Variants in SLC23A2 observed in about 807,000 individuals in gnomAD.
SLC23A2 encodes Na(+)/L-ascorbic acid transporter 2.
In SLC23A2, 36 loss-of-function variants were observed where a neutral mutation model predicts 73.3. That is an observed-to-expected ratio of 0.49 (90% CI 0.38 to 0.65). The LOEUF is 0.65. SLC23A2 is among the 30% of genes least tolerant of loss of function. The pLI, the probability that SLC23A2 is intolerant of heterozygous loss-of-function variation, is 0.00. For missense variants in SLC23A2, 507 were observed against 841.6 expected (o/e 0.60, Z 4.92); for synonymous variants, 343 against 327.3 (o/e 1.05, Z -0.52).
At chr20:4,950,286 G>A (rs905299998) in intron 2 of SLC23A2, among the ~76,000 whole-genome samples, 1 of 152,214 alleles carries the variant, frequency 6.6e-6, no homozygotes, top group Non-Finnish European at 1.5e-5. Flanking sequence ...CCAGCTCAGT[G>A]AAAAGGGAGA....
chr20:4,950,049 T>C (rs2087175794), intron 2 of SLC23A2, among the ~76,000 whole-genome samples: 1 of 152,198 alleles, frequency 6.6e-6, no homozygotes, highest in Non-Finnish European at 1.5e-5. Flanking sequence ...GAAATGCTAT[T>C]TGTGTTACAC....
intron 4 of SLC23A2, among the ~76,000 whole-genome samples, chr20:4,908,060 T>A (rs1015417463): frequency 1.3e-5 from 2 of 151,966 alleles, no homozygotes; most frequent in Non-Finnish European, 2.9e-5. Context: ...AAAAAAAGAT[T>A]AAAGAGAACT....
rs1293947888 is a variant in SLC23A2 at position 4,947,851 on chromosome 20, G to C, written c.-154-15135C>G. On this transcript the variant is annotated intron_variant, in intron 2 of 16. Coordinates refer to ENST00000338244, the MANE Select transcript of SLC23A2 (RefSeq NM_005116.6). The surrounding 1 kb of genome is among the most constrained non-coding windows in gnomAD (Gnocchi z 4.4). ...CTGAAGGAAGCTGAGGAAAATTTGT[G>C]AGTTACTTTCAGGGAATAGAAAGAA... Among the ~76,000 whole-genome samples, 1 of 152,224 alleles carries C rather than the reference G, an allele frequency of 6.6e-6. No individual in the cohort carries two copies. Among genetic ancestry groups the C allele is most frequent in the African/African-American group, 2.4e-5 (1 of 41,452 alleles).
At chr20:4,860,284 G>A (rs1261161242) in intron 15 of SLC23A2, among the ~76,000 whole-genome samples, 1 of 152,210 alleles carries the variant, frequency 6.6e-6, no homozygotes, top group African/African-American at 2.4e-5. Context: ...TGAAAAATCT[G>A]AGCCACGCCA....
At chr20:4,986,649 T>TACACACACACACACACAC (rs55738084) in intron 1 of SLC23A2, among the ~76,000 whole-genome samples, 1 of 129,720 alleles carries the variant, frequency 7.7e-6, no homozygotes, top group Non-Finnish European at 1.6e-5. Flanking sequence ...CATACACACA[T>TACACACACACACACACAC]ACACACACAC....
chr20:4,950,609 C>T (rs1447682476), intron 2 of SLC23A2, among the ~76,000 whole-genome samples: 1 of 152,148 alleles, frequency 6.6e-6, no homozygotes, highest in Admixed American at 6.5e-5. Flanking sequence ...TTTGCCCTTC[C>T]CAGTCCTGAC....
intron 2 of SLC23A2, among the ~76,000 whole-genome samples, chr20:4,951,981 T>C (rs2087209274): frequency 6.6e-6 from 1 of 151,254 alleles, no homozygotes. Context: ...CACGTGCCTG[T>C]AATCCCAGCT....
At chr20:4,984,905 A>G (rs1181478382) in intron 1 of SLC23A2, among the ~76,000 whole-genome samples, 1 of 152,202 alleles carries the variant, frequency 6.6e-6, no homozygotes, top group African/African-American at 2.4e-5. Flanking sequence ...TTGGGAGGCC[A>G]ATGCGGGCGG....
At position 4,883,932 on chromosome 20, in the gene SLC23A2, A is replaced by C; in HGVS notation, c.643-109T>G. On this transcript the variant is annotated intron_variant, in intron 8 of 16. Coordinates refer to ENST00000338244, the MANE Select transcript of SLC23A2 (RefSeq NM_005116.6). The surrounding 1 kb of genome is among the most constrained non-coding windows in gnomAD (Gnocchi z 4.5). Reference sequence around the variant, plus strand: ...ATTCTGCAAGGCAATAAGTTATTACATCATCTAACTTGGGAGAGATAGCTA... The same window carrying C: ...ATTCTGCAAGGCAATAAGTTATTACCTCATCTAACTTGGGAGAGATAGCTA... 1.3e-6 allele frequency: 1 copy of C among 768,980 alleles called. No individual in the cohort carries two copies. Among genetic ancestry groups the C allele is most frequent in the Non-Finnish European group, 2.0e-6 (1 of 500,842 alleles). The allele number at this position is 768,980 out of a possible 1,614,324, so 47.6% of individuals were successfully genotyped here. A position where few individuals can be genotyped will look rare whatever the true frequency, so the allele number is the denominator to read the frequency against.
At chr20:4,890,749 G>A (rs952016022) in intron 6 of SLC23A2, among the ~76,000 whole-genome samples, 3 of 152,004 alleles carry the variant, frequency 2.0e-5, no homozygotes, top group South Asian at 2.1e-4. Flanking sequence ...TCCATCCATC[G>A]ACCTGCTGAA....
intron 2 of SLC23A2, among the ~76,000 whole-genome samples, chr20:4,936,568 G>C (rs2086964854): frequency 6.6e-6 from 1 of 152,138 alleles, no homozygotes; most frequent in South Asian, 2.1e-4. Context: ...GACTACAGGT[G>C]CAAGTCACCA....
intron 15 of SLC23A2, among the ~76,000 whole-genome samples, chr20:4,860,358 A>C (rs1929907997): frequency 6.6e-6 from 1 of 152,236 alleles, no homozygotes; most frequent in Non-Finnish European, 1.5e-5. Context: ...CATCCTGTAA[A>C]CAAGAGTCCT....
chr20:4,981,710 C>A (rs1431695386), intron 1 of SLC23A2, among the ~76,000 whole-genome samples: 1 of 120,248 alleles, frequency 8.3e-6, no homozygotes, highest in African/African-American at 3.1e-5. Flanking sequence ...TCCTTCCTTT[C>A]TTTATCTTTC....
chr20:5,002,341 T>C (rs1253712461), upstream of SLC23A2, among the ~76,000 whole-genome samples: 1 of 152,256 alleles, frequency 6.6e-6, no homozygotes, highest in East Asian at 1.9e-4. Flanking sequence ...ATGCTGATGC[T>C]ACTGGTCTGG....
intron 1 of SLC23A2, among the ~76,000 whole-genome samples, chr20:4,994,141 T>C (rs546201227): frequency 6.6e-6 from 1 of 152,216 alleles, no homozygotes; most frequent in South Asian, 2.1e-4. Context: ...CACATATACC[T>C]TACTGTGAAG....
intron 2 of SLC23A2, among the ~76,000 whole-genome samples, chr20:4,965,751 G>A (rs576323932): frequency 6.6e-6 from 1 of 152,334 alleles, no homozygotes; most frequent in South Asian, 2.1e-4. Flanking sequence ...CAGATCACTT[G>A]AGGTCAGGAG....
At chr20:4,870,363 G>A (rs1052137233) in intron 11 of SLC23A2, among the ~76,000 whole-genome samples, 1 of 152,162 alleles carries the variant, frequency 6.6e-6, no homozygotes, top group African/African-American at 2.4e-5. Context: ...CAGATCACGA[G>A]GTCAGGAGTT....
chr20:4,859,460 T>C, intron 15 of SLC23A2, 76 bp from the exon 16 acceptor site: 2 of 912,306 alleles, frequency 2.2e-6, no homozygotes, highest in Non-Finnish European at 3.7e-6. Flanking sequence ...GAAGGGGCAA[T>C]GGTGTGGGCA....
At chr20:4,997,196 T>C (rs2088038554) in intron 1 of SLC23A2, among the ~76,000 whole-genome samples, 1 of 151,972 alleles carries the variant, frequency 6.6e-6, no homozygotes. Flanking sequence ...ACGCCTAGAG[T>C]GTGCTTGCTA....
Sources: allele counts gnomAD v4.1 joint callset (sites outside exome capture counted in the v4.1 genomes callset), GRCh38; gene constraint gnomAD v4.1.1; non-coding constraint Gnocchi (gnomAD v3.1); transcripts MANE v1.5; gene names NCBI Gene and HGNC (gene_info 2026-07-23, HGNC 2026-07-21).